The following SLC38A1 variants were observed in gnomAD, a reference collection of about 807,000 sequenced individuals.
SLC38A1 encodes solute carrier family 38 member 1, also known as sodium-coupled neutral amino acid symporter 1.
A neutral mutation model predicts 60.3 loss-of-function variants in SLC38A1; 18 were observed. The ratio of observed to expected loss-of-function variants is 0.30; its 90% CI spans 0.21 to 0.44. The LOEUF is 0.44. Ranked by LOEUF, SLC38A1 falls within the 20% of genes least tolerant of loss-of-function variation. The pLI is 1.00. For missense variants in SLC38A1, 448 were observed against 587.2 expected, an observed-to-expected ratio of 0.76 and a Z score of 2.45; for synonymous variants, 196 against 212.1, an observed-to-expected ratio of 0.92 and a Z score of 0.66.
chr12:46,259,576 T>C (rs1394539023), intron 1 of SLC38A1, among the ~76,000 whole-genome samples: 1 of 152,172 alleles, frequency 6.6e-6, no homozygotes, highest in African/African-American at 2.4e-5. Flanking sequence ...AAATAAAAAA[T>C]TAAAGCCGAT....
At chr12:46,266,198 G>A (rs1316588213) in intron 1 of SLC38A1, among the ~76,000 whole-genome samples, 1 of 152,104 alleles carries the variant, frequency 6.6e-6, no homozygotes, top group African/African-American at 2.4e-5. Context: ...ACTATGTGCT[G>A]GACATTAGAG....
In SLC38A1 at chr12:46,239,722, C is replaced by T. The variant is rs756600018; in HGVS notation, c.79G>A (p.Asp27Asn). ...TCTACTTCGGTGAAATCATTGGAGT[C>T]ATTGCTAATGTTATCATCCTCGGGC... ...TVPEDDNISN[D>N]SNDFTEVENG... The change falls in exon 3 of 17, where the codon GAC becomes AAC. Residue 27 changes from aspartate (D) to asparagine (N), a missense_variant. Transcript: ENST00000398637. The T allele has an allele frequency of 5.0e-6, 8 of 1,613,602 alleles. No individual in the cohort carries two copies. Among genetic ancestry groups the T allele is most frequent in the Admixed American group, 1.7e-5 (1 of 60,024 alleles).
At chr12:46,257,367 C>T (rs1942065455) in intron 1 of SLC38A1, among the ~76,000 whole-genome samples, 1 of 152,196 alleles carries the variant, frequency 6.6e-6, no homozygotes, top group Non-Finnish European at 1.5e-5. Flanking sequence ...GGATTTCTAA[C>T]ACTCCTAATT....
intron 1 of SLC38A1, among the ~76,000 whole-genome samples, chr12:46,256,976 A>C (rs1942051860): frequency 6.6e-6 from 1 of 152,168 alleles, no homozygotes; most frequent in African/African-American, 2.4e-5. Context: ...AGAAAAGATA[A>C]TAAAGGGAAA....
chr12:46,209,199 G>A, intron 5 of SLC38A1, 72 bp from the exon 6 acceptor site: 2 of 1,089,564 alleles, frequency 1.8e-6, no homozygotes, highest in Non-Finnish European at 1.4e-6. Flanking sequence ...GTTTAGAAGG[G>A]CAAAGGTTTA....
intron 3 of SLC38A1, among the ~76,000 whole-genome samples, chr12:46,232,891 AT>A (rs1002395641): frequency 6.6e-6 from 1 of 152,136 alleles, no homozygotes; most frequent in African/African-American, 2.4e-5. Flanking sequence ...TTAAATTTGC[AT>A]TTTTTAAATT....
At chr12:46,230,831 T>C (rs1941047308) in intron 3 of SLC38A1, among the ~76,000 whole-genome samples, 1 of 152,166 alleles carries the variant, frequency 6.6e-6, no homozygotes, top group Non-Finnish European at 1.5e-5. Context: ...AAAAAAGGAA[T>C]GCTTATACAC....
At chr12:46,261,856 C>T (rs1942206752) in intron 1 of SLC38A1, among the ~76,000 whole-genome samples, 1 of 152,188 alleles carries the variant, frequency 6.6e-6, no homozygotes, top group Non-Finnish European at 1.5e-5. Flanking sequence ...CTCTCCCTGC[C>T]CCCAGGAGGT....
chr12:46,247,748 T>C (rs534343506), intron 1 of SLC38A1, among the ~76,000 whole-genome samples: 1 of 152,106 alleles, frequency 6.6e-6, no homozygotes, highest in Non-Finnish European at 1.5e-5. Flanking sequence ...TTCACCAAAG[T>C]TGAAATGAAG....
intron 1 of SLC38A1, among the ~76,000 whole-genome samples, chr12:46,256,634 C>CAGAGAGAGAGAGAGAG (rs538542582): frequency 4.9e-4 from 25 of 50,950 alleles, no homozygotes; most frequent in South Asian, 3.4e-3. Flanking sequence ...CACACACACA[C>CAGAGAGAGAGAGAGAG]ACAGAGAGAG....
intron 2 of SLC38A1, among the ~76,000 whole-genome samples, chr12:46,240,621 AG>A (rs1281878638): frequency 4.2e-4 from 64 of 152,374 alleles, no homozygotes; most frequent in African/African-American, 1.3e-3. Context: ...CCCAGCTTAA[AG>A]AAAAATGCAA....
intron 16 of SLC38A1, among the ~76,000 whole-genome samples, chr12:46,190,960 G>T (rs555822201): frequency 2.9e-4 from 44 of 152,184 alleles, no homozygotes; most frequent in African/African-American, 7.5e-4. Flanking sequence ...GTCTATTTTG[G>T]CTTTTGTTGC....
intron 16 of SLC38A1, among the ~76,000 whole-genome samples, chr12:46,193,091 A>C (rs1465973462): frequency 6.6e-6 from 1 of 152,202 alleles, no homozygotes; most frequent in Admixed American, 6.5e-5. Context: ...TTCCCTGTAC[A>C]CACTGCTTTA....
intron 1 of SLC38A1, among the ~76,000 whole-genome samples, chr12:46,248,451 TA>T (rs1316156942): frequency 2.0e-5 from 3 of 151,856 alleles, no homozygotes; most frequent in Non-Finnish European, 2.9e-5. Flanking sequence ...GCCATAATGG[TA>T]AAGGGATCAA....
At chr12:46,206,301 G>T in intron 8 of SLC38A1, 139 bp from the exon 9 acceptor site, 1 of 499,708 alleles carries the variant, frequency 2.0e-6, no homozygotes, top group Non-Finnish European at 3.5e-6. Flanking sequence ...TCATTATTCA[G>T]GTCTTATCCA....
intron 1 of SLC38A1, among the ~76,000 whole-genome samples, chr12:46,256,619 A>G (rs558996143): frequency 4.5e-5 from 5 of 110,814 alleles, no homozygotes; most frequent in Non-Finnish European, 7.1e-5. Flanking sequence ...GCGCGCACAC[A>G]CACACACACA....
intron 3 of SLC38A1, 138 bp downstream of exon 3, chr12:46,239,541 C>G: frequency 1.1e-6 from 1 of 871,312 alleles, no homozygotes; most frequent in Non-Finnish European, 1.8e-6. Flanking sequence ...GTGGGTTTCA[C>G]CATGTTGGTC....
intron 5 of SLC38A1, among the ~76,000 whole-genome samples, chr12:46,217,764 G>T (rs1440259507): frequency 6.6e-6 from 1 of 152,184 alleles, no homozygotes; most frequent in Admixed American, 6.5e-5. Flanking sequence ...CTTGTAGCAT[G>T]TGATCATGTA....
intron 1 of SLC38A1, among the ~76,000 whole-genome samples, chr12:46,248,336 G>A (rs992494704): frequency 7.9e-5 from 12 of 152,250 alleles, no homozygotes; most frequent in African/African-American, 2.6e-4. Context: ...TAGGGATGGA[G>A]GAAGATCTAC....
Sources: gnomAD v4.1 joint callset for allele counts (sites outside exome capture counted in the v4.1 genomes callset) on GRCh38, gnomAD v4.1.1 for gene constraint, MANE v1.5 for transcripts, NCBI Gene and HGNC (gene_info 2026-07-23, HGNC 2026-07-21) for gene names.